AMER1: variants seen among roughly 807,000 people sequenced by gnomAD.
The protein encoded by AMER1 is APC membrane recruitment protein 1.
Under a neutral mutation model 53.0 loss-of-function variants are expected in AMER1, and 16 were observed. That is an observed-to-expected ratio of 0.30 (90% CI 0.20 to 0.46). The LOEUF (loss-of-function observed/expected upper bound fraction) is 0.46, where lower values mean the gene tolerates loss of function less well. Ranked by LOEUF, AMER1 falls within the 20% of genes least tolerant of loss-of-function variation. AMER1 has a pLI of 1.00. For missense variants in AMER1, 947 were observed against 884.9 expected (o/e 1.07, Z -0.89); for synonymous variants, 354 against 331.9 (o/e 1.07, Z -0.73).
intron 1 of AMER1, among the ~76,000 whole-genome samples, chrX:64,200,947 T>C (rs957643489): frequency 5.4e-5 from 6 of 111,164 alleles, no homozygotes; most frequent in African/African-American, 2.0e-4. Flanking sequence ...GCTGAGCAGA[T>C]GGAGAGGGAG....
chrX:64,192,093 C>A lies in AMER1; in HGVS notation c.1194G>T (p.Lys398Asn). 8.3e-7 allele frequency: 1 copy of A among 1,211,273 alleles called. No homozygotes were observed. The highest frequency in any genetic ancestry group is 3.0e-5 in the East Asian group (1 of 33,831). Residue 398 changes from lysine (K) to asparagine (N), a missense_variant, in exon 2 of 2, where the codon AAG (lysine) becomes AAT (asparagine). Lys to Asn is a moderately conservative substitution (Grantham distance 94). Coordinates refer to ENST00000374869, the MANE Select transcript of AMER1 (RefSeq NM_152424.4). ...VELEEEEEEV[K>N]EEEEDDDLEY... is the part of the protein sequence containing the mutation. ...CTAAGTCATCATCTTCTTCCTCCTC[C>A]TTAACCTCCTCTTCTTCCTCCTCTA...
Position 64,190,920 on chromosome X carries a change from G to T in AMER1, c.2367C>A (p.Ser789Arg). 8.3e-7 allele frequency: 1 copy of T among 1,211,382 alleles called. No homozygotes were observed. ...GAGTGAAAGATGAGTCAGAGTCAGA[G>T]CTGCAGGACATGCTGGAAAAGAGGT... ...NGNLFSSMSC[S>R]SDSDSSFTQN... The change falls in exon 2 of 2, where the codon AGC becomes AGA. Residue 789 changes from serine (S) to arginine (R), a missense_variant. By Grantham distance (110) the Ser-to-Arg change is moderately radical. Transcript: ENST00000374869.
rs774679801 is a variant in AMER1, at chrX:64,189,608, C to T, written c.*271G>A. On this transcript the variant is annotated 3_prime_UTR_variant, in exon 2 of 2. Coordinates refer to ENST00000374869, the MANE Select transcript of AMER1 (RefSeq NM_152424.4). The stretch of plus-strand genomic sequence containing the variant: ...GGCACAAAATTACAGCATCCCAAAC[C>T]CAGCGTGGGTCACAAGAAGAAACCT... 1.4e-3 allele frequency: 1,207 copies of T among 882,434 alleles called. No individual in the cohort carries two copies. Among genetic ancestry groups the T allele is most frequent in the Non-Finnish European group, 1.5e-3 (1,111 of 726,287 alleles). 72.7% of individuals were successfully genotyped at this position (882,434 alleles called of 1,213,427 possible).
Position 64,189,793 on chromosome X carries a change from A to ACCCT in AMER1, c.*85_*86insAGGG. The stretch of plus-strand genomic sequence containing the variant: ...CAAAGGGTTTTCAAGTTAAACAACA[A>ACCCT]CCCCCACCCCCCCACCCTTCTGCCC... On this transcript the variant is annotated 3_prime_UTR_variant, in exon 2 of 2. Coordinates refer to ENST00000374869, the MANE Select transcript of AMER1 (RefSeq NM_152424.4). 1 of 292,074 alleles carries ACCCT rather than the reference A, an allele frequency of 3.4e-6. No homozygotes were observed. 24.1% of individuals were successfully genotyped at this position (292,074 alleles called of 1,213,427 possible).
chrX:64,200,176 C>T (rs1388995860), intron 1 of AMER1, among the ~76,000 whole-genome samples: 2 of 112,653 alleles, frequency 1.8e-5, no homozygotes, highest in African/African-American at 6.5e-5. Context: ...TGCCCGCCTG[C>T]ATAGGCTTCC....
chrX:64,194,218 C>T (rs748613576), intron 1 of AMER1, among the ~76,000 whole-genome samples: 2 of 111,515 alleles, frequency 1.8e-5, no homozygotes, highest in African/African-American at 6.5e-5. Context: ...AATGGAACCC[C>T]AAATTCCACT....
chrX:64,189,793 A>AGGGGGGGGCCCCCCCCCCCCCCC lies in AMER1; in HGVS notation c.*85_*86insGGGGGGGGGGGGGGGCCCCCCCC. The AGGGGGGGGCCCCCCCCCCCCCCC allele has an allele frequency of 3.4e-6, 1 of 292,069 alleles. No homozygotes were observed. Among genetic ancestry groups the AGGGGGGGGCCCCCCCCCCCCCCC allele is most frequent in the Non-Finnish European group, 4.9e-6 (1 of 204,829 alleles). 24.1% of individuals were successfully genotyped at this position (292,069 alleles called of 1,213,427 possible). On this transcript the variant is annotated 3_prime_UTR_variant, in exon 2 of 2. Transcript: ENST00000374869. ...CAAAGGGTTTTCAAGTTAAACAACA[A>AGGGGGGGGCCCCCCCCCCCCCCC]CCCCCACCCCCCCACCCTTCTGCCC...
rs376626895 is a variant in AMER1, at chrX:64,192,755, G to A, written c.532C>T (p.Arg178Cys). 1.9e-5 allele frequency: 23 copies of A among 1,206,850 alleles called. No individual in the cohort carries two copies. Among genetic ancestry groups the A allele is most frequent in the African/African-American group, 1.2e-4 (7 of 57,041 alleles). The change falls in exon 2 of 2, where the codon CGT becomes TGT. Residue 178 changes from arginine to cysteine, a missense_variant. Arg to Cys is a radical substitution (Grantham distance 180, BLOSUM62 -3). Coordinates refer to ENST00000374869, the MANE Select transcript of AMER1 (RefSeq NM_152424.4). ...CCAGTGACCTTGCTCTTCCGGTGAC[G>A]GCGGATACTGCTAAAAAAGCCTTTT... ...GLKGFFSSIR[R>C]HRKSKVTGAE...
chrX:64,201,183 G>A (rs902928291), intron 1 of AMER1, among the ~76,000 whole-genome samples: 10 of 111,060 alleles, frequency 9.0e-5, no homozygotes, highest in South Asian at 3.8e-4. Flanking sequence ...CAAAAGGGGA[G>A]GTGGAGGGAG....
intron 1 of AMER1, among the ~76,000 whole-genome samples, chrX:64,203,740 G>C (rs1930538819): frequency 9.0e-6 from 1 of 111,386 alleles, no homozygotes; most frequent in Non-Finnish European, 1.9e-5. Flanking sequence ...GTGGGTTTGG[G>C]TGTGGGGAAG....
At position 64,186,554 on chromosome X, in the gene AMER1, G is replaced by A. The variant is rs1181391709; in HGVS notation, c.*3325C>T. 3.9e-6 allele frequency: 3 copies of A among 777,672 alleles called. No individual in the cohort carries two copies. Among genetic ancestry groups the A allele is most frequent in the Non-Finnish European group, 4.6e-6 (3 of 654,285 alleles). 64.1% of individuals were successfully genotyped at this position (777,672 alleles called of 1,213,427 possible). On this transcript the variant is annotated 3_prime_UTR_variant, in exon 2 of 2. Transcript: ENST00000374869. ...GGCCTGGGGGCTGAGGGCAGGTGGG[G>A]TGGTGGCACTGGCACAGGTAAGGAA...
Position 64,191,716 on chromosome X carries a change from C to T in AMER1, c.1571G>A (p.Cys524Tyr), listed in dbSNP as rs1386291582. ...SLENSPPGDD[C>Y]LYDLHGRSSE... ...GCTTCGACCATGGAGGTCATAAAGG[C>T]AGTCATCTCCAGGTGGAGAGTTCTC... The change falls in exon 2 of 2, where the codon TGC (cysteine) becomes TAC (tyrosine). Residue 524 changes from cysteine to tyrosine, a missense_variant. Physicochemically the swap from Cys to Tyr is radical, Grantham distance 194. Transcript: ENST00000374869. The T allele has an allele frequency of 8.3e-7, 1 of 1,211,345 alleles. No homozygotes were observed. The highest frequency in any genetic ancestry group is 2.3e-4 in the Middle Eastern group (1 of 4,353).
intron 1 of AMER1, among the ~76,000 whole-genome samples, chrX:64,202,691 G>A (rs755403118): frequency 8.9e-6 from 1 of 111,791 alleles, no homozygotes; most frequent in South Asian, 3.7e-4. Flanking sequence ...TAGCCTGCCC[G>A]CAGCTCTACT....
intron 1 of AMER1, among the ~76,000 whole-genome samples, chrX:64,202,659 T>C (rs1038682228): frequency 9.0e-6 from 1 of 111,569 alleles, no homozygotes; most frequent in African/African-American, 3.3e-5. Context: ...GAGGCTGACA[T>C]AGTAAAACTT....
Position 64,192,498 on chromosome X carries a change from C to T in AMER1, c.789G>A (p.Glu263=), listed in dbSNP as rs775695141. The change falls in exon 2 of 2, where the codon GAG becomes GAA. Residue 263 remains glutamate (E), a synonymous_variant. Transcript: ENST00000374869. ...MACKDPEKPM[E]ACASAHVQPK... ...GTTGCACATGTGCTGAGGCACAGGC[C>T]TCCATGGGTTTTTCTGGATCTTTAC... 1 of 1,204,402 alleles carries T rather than the reference C, an allele frequency of 8.3e-7. No homozygotes were observed. Among genetic ancestry groups the T allele is most frequent in the Admixed American group, 2.2e-5 (1 of 44,994 alleles).
intron 1 of AMER1, among the ~76,000 whole-genome samples, chrX:64,198,238 T>C (rs1376337056): frequency 1.8e-5 from 2 of 112,388 alleles, no homozygotes; most frequent in Non-Finnish European, 3.8e-5. Flanking sequence ...CCAGGTTCTC[T>C]AGCCCAGGTC....
chrX:64,195,361 A>C (rs1312233329), intron 1 of AMER1, among the ~76,000 whole-genome samples: 1 of 112,027 alleles, frequency 8.9e-6, no homozygotes, highest in Non-Finnish European at 1.9e-5. Flanking sequence ...GTTGTTTGTG[A>C]AATTCTATTC....
chrX:64,190,419 A>G lies in AMER1; in HGVS notation c.2868T>C (p.Tyr956=). ...GACAGGGAGCCCAAGCAGGCCAATC[A>G]TAGGCCCCTGGGGGTTCAGTATAGA... ...LSLYTEPPGA[Y]DWPAWAPCPL... Residue 956 remains tyrosine (Y), a synonymous_variant, in exon 2 of 2, where the codon TAT becomes TAC. Coordinates refer to ENST00000374869, the MANE Select transcript of AMER1 (RefSeq NM_152424.4). 2.5e-6 allele frequency: 3 copies of G among 1,211,785 alleles called. No homozygotes were observed. Among genetic ancestry groups the G allele is most frequent in the Non-Finnish European group, 3.4e-6 (3 of 895,379 alleles).
Position 64,193,063 on chromosome X carries a change from C to A in AMER1, c.224G>T (p.Gly75Val), listed in dbSNP as rs373635767. The A allele has an allele frequency of 8.3e-7, 1 of 1,212,082 alleles. No homozygotes were observed. The highest frequency in any genetic ancestry group is 1.1e-6 in the Non-Finnish European group (1 of 895,599). The change falls in exon 2 of 2, where the codon GGG becomes GTG. Residue 75 changes from glycine (G) to valine (V), a missense_variant. Gly to Val is a moderately radical substitution (Grantham distance 109). Transcript: ENST00000374869. ...GICTLPSFFG[G>V]GRSKGSGKGS... ...TTTCCCAGAACCTTTGCTCCGTCCC[C>A]CTCCAAAGAAACTAGGCAGAGTACA...
Sources: allele counts gnomAD v4.1 joint callset (sites outside exome capture counted in the v4.1 genomes callset), GRCh38; gene constraint gnomAD v4.1.1; transcripts MANE v1.5; gene names NCBI Gene and HGNC (gene_info 2026-07-23, HGNC 2026-07-21).